AOPEP: variants seen among roughly 807,000 people sequenced by gnomAD.
The protein encoded by AOPEP is aminopeptidase O (putative).
A neutral mutation model predicts 98.1 loss-of-function variants in AOPEP; 77 were observed. The ratio of observed to expected loss-of-function variants is 0.78; its 90% CI spans 0.65 to 0.95. The LOEUF (loss-of-function observed/expected upper bound fraction) is 0.95, where lower values mean the gene tolerates loss of function less well. AOPEP is among the 40% of genes least tolerant of loss of function. The probability of loss-of-function intolerance (pLI) is 0.00; values close to 1 mark genes in which losing one functional copy is unlikely to be tolerated. For missense variants in AOPEP, 1,024 were observed against 1,024.7 expected (o/e 1.00, Z 0.01); for synonymous variants, 346 against 365.3 (o/e 0.95, Z 0.60).
At chr9:94,753,098 A>G (rs1836203966) in intron 1 of AOPEP, among the ~76,000 whole-genome samples, 1 of 152,216 alleles carries the variant, frequency 6.6e-6, no homozygotes, top group Non-Finnish European at 1.5e-5. Context: ...AGACAGATTC[A>G]TAAGATGTAG....
At chr9:95,107,041 G>A in the AOPEP span, 1 of 1,612,896 alleles carries the variant, frequency 6.2e-7, no homozygotes, top group Admixed American at 1.7e-5. Flanking sequence ...TGAGTACTAG[G>A]ATGCTGGACC....
At chr9:94,859,151 CT>C (rs2044624584) in intron 5 of AOPEP, among the ~76,000 whole-genome samples, 1 of 152,134 alleles carries the variant, frequency 6.6e-6, no homozygotes, top group Admixed American at 6.5e-5. Context: ...TTTTCCCTCT[CT>C]GTTCTTTACC....
intron 5 of AOPEP, among the ~76,000 whole-genome samples, chr9:94,897,671 G>A (rs2049761406): frequency 6.6e-6 from 1 of 152,148 alleles, no homozygotes; most frequent in African/African-American, 2.4e-5. Flanking sequence ...ATTTTATCAA[G>A]TGTTCTAACA....
chr9:94,729,673 C>T (rs1830070665), intron 1 of AOPEP, among the ~76,000 whole-genome samples: 1 of 151,980 alleles, frequency 6.6e-6, no homozygotes, highest in Non-Finnish European at 1.5e-5. Flanking sequence ...CTGTCCTGTG[C>T]ATTGTAGGAT....
intron 1 of AOPEP, among the ~76,000 whole-genome samples, chr9:94,732,457 T>G (rs1396443429): frequency 6.6e-6 from 1 of 152,230 alleles, no homozygotes; most frequent in African/African-American, 2.4e-5. Flanking sequence ...AGTTTTAACT[T>G]GATTCTCATA....
At chr9:94,925,135 G>A (rs2054116020) in intron 6 of AOPEP, among the ~76,000 whole-genome samples, 1 of 152,150 alleles carries the variant, frequency 6.6e-6, no homozygotes, top group African/African-American at 2.4e-5. Context: ...AGGATGACAG[G>A]CACATGTCAC....
At chr9:95,042,140 A>G (rs1038086052) in intron 13 of AOPEP, among the ~76,000 whole-genome samples, 5 of 152,126 alleles carry the variant, frequency 3.3e-5, no homozygotes, top group South Asian at 2.1e-4. Context: ...GTGAAACCCC[A>G]TCTCCACTAA....
intron 13 of AOPEP, among the ~76,000 whole-genome samples, chr9:95,036,016 C>T (rs919723663): frequency 6.6e-6 from 1 of 152,118 alleles, no homozygotes; most frequent in Non-Finnish European, 1.5e-5. Context: ...TGATGGTGGT[C>T]ACACTGAGTT....
intron 7 of AOPEP, among the ~76,000 whole-genome samples, chr9:94,948,303 C>T (rs529275379): frequency 2.6e-5 from 4 of 151,892 alleles, no homozygotes; most frequent in African/African-American, 4.9e-5. Flanking sequence ...TGTATAAAGC[C>T]GTGAAACAAC....
intron 5 of AOPEP, among the ~76,000 whole-genome samples, chr9:94,878,206 T>C (rs1020445563): frequency 2.0e-5 from 3 of 150,458 alleles, no homozygotes; most frequent in Non-Finnish European, 4.4e-5. Context: ...GCTTTCATAA[T>C]GGCAGAAAAG....
At chr9:95,049,957 C>T (rs533706698) in intron 13 of AOPEP, among the ~76,000 whole-genome samples, 34 of 152,302 alleles carry the variant, frequency 2.2e-4, no homozygotes, top group African/African-American at 8.2e-4. Context: ...TCCCCTGCTC[C>T]CCTATCAACT....
chr9:95,025,925 A>C (rs7022739), intron 13 of AOPEP, among the ~76,000 whole-genome samples: 142,821 of 152,168 alleles, frequency 0.94, 67,132 homozygotes, highest in Middle Eastern at 0.99. Flanking sequence ...GTAAGCTCCG[A>C]GTGGTTAAGC....
At chr9:95,078,748 G>C (rs1474142140) in intron 14 of AOPEP, among the ~76,000 whole-genome samples, 1 of 152,232 alleles carries the variant, frequency 6.6e-6, no homozygotes, top group Non-Finnish European at 1.5e-5. Flanking sequence ...CACCTCTGCT[G>C]GTGTGTGGAC....
chr9:94,990,611 T>TTTAATTAA (rs139232680), intron 11 of AOPEP, among the ~76,000 whole-genome samples: 13 of 149,972 alleles, frequency 8.7e-5, no homozygotes, highest in African/African-American at 2.2e-4. Flanking sequence ...GATTATTTAA[T>TTTAATTAA]TTAATTAATT....
chr9:95,103,701 G>A, the AOPEP span, among the ~76,000 whole-genome samples: 132 of 152,350 alleles, frequency 8.7e-4, no homozygotes, highest in Admixed American at 2.7e-3. Flanking sequence ...TCGGAGGGCC[G>A]AGGTCAGAGA....
At chr9:95,138,161 C>G in the AOPEP span, among the ~76,000 whole-genome samples, 7 of 152,334 alleles carry the variant, frequency 4.6e-5, no homozygotes, top group East Asian at 1.3e-3. Context: ...AAGAGGCAGC[C>G]GAGGTCAGAG....
the AOPEP span, chr9:95,125,132 A>C: frequency 3.1e-6 from 5 of 1,614,090 alleles, no homozygotes; most frequent in Non-Finnish European, 4.2e-6. Context: ...CTGCGTAAAC[A>C]CCTGAATAGT....
the AOPEP span, among the ~76,000 whole-genome samples, chr9:95,138,751 C>T: frequency 2.0e-5 from 3 of 152,190 alleles, no homozygotes; most frequent in East Asian, 1.9e-4. Flanking sequence ...CAGGCCAGGC[C>T]GCCAGGAGCA....
At chr9:95,108,430 A>ATATC in the AOPEP span, among the ~76,000 whole-genome samples, 1 of 152,292 alleles carries the variant, frequency 6.6e-6, no homozygotes, top group East Asian at 1.9e-4. Flanking sequence ...CTATGCCTTT[A>ATATC]TATCTGTTTT....
Sources: allele counts gnomAD v4.1 joint callset (sites outside exome capture counted in the v4.1 genomes callset), GRCh38; gene constraint gnomAD v4.1.1; transcripts MANE v1.5; gene names NCBI Gene and HGNC (gene_info 2026-07-23, HGNC 2026-07-21).